The following IGSF21 variants were observed in gnomAD, a reference collection of about 807,000 sequenced individuals.
IGSF21 encodes the protein immunoglobulin superfamily member 21.
A neutral mutation model predicts 46.8 loss-of-function variants in IGSF21; 28 were observed. That is an observed-to-expected ratio of 0.60 (90% CI 0.44 to 0.82). The LOEUF (loss-of-function observed/expected upper bound fraction) is 0.82. Among genes scored for constraint, IGSF21 ranks in the 40% least tolerant of loss-of-function variants. IGSF21 has a pLI of 0.00. For missense variants in IGSF21, 624 were observed against 665.5 expected (o/e 0.94, Z 0.69); for synonymous variants, 284 against 273.6 (o/e 1.04, Z -0.38).
chr1:18,126,383 C>T (rs2086274679), intron 1 of IGSF21, among the ~76,000 whole-genome samples: 1 of 152,182 alleles, frequency 6.6e-6, no homozygotes, highest in Admixed American at 6.5e-5. Flanking sequence ...TGGTTCCACC[C>T]TCCTTTCCTC....
chr1:18,188,957 G>A (rs1034279744), intron 1 of IGSF21, among the ~76,000 whole-genome samples: 1 of 152,212 alleles, frequency 6.6e-6, no homozygotes, highest in Non-Finnish European at 1.5e-5. Context: ...TGCTGCTGCA[G>A]GGGTGAGGAG....
chr1:18,239,900 G>A (rs1210730229), intron 2 of IGSF21, among the ~76,000 whole-genome samples: 2 of 152,102 alleles, frequency 1.3e-5, no homozygotes, highest in Non-Finnish European at 2.9e-5. Flanking sequence ...TCAACACACT[G>A]GACTCATGTG....
chr1:18,128,993 G>T (rs2086296250), intron 1 of IGSF21, among the ~76,000 whole-genome samples: 2 of 152,186 alleles, frequency 1.3e-5, no homozygotes, highest in Admixed American at 1.3e-4. Context: ...GGCAGGCATT[G>T]GGAGGCAGAA....
At chr1:18,238,089 T>A (rs965087937) in intron 2 of IGSF21, among the ~76,000 whole-genome samples, 6 of 152,124 alleles carry the variant, frequency 3.9e-5, no homozygotes, top group African/African-American at 1.4e-4. Context: ...CTCAAAGGAC[T>A]CTGTGATGCC....
At chr1:18,194,896 G>A (rs958542767) in intron 1 of IGSF21, among the ~76,000 whole-genome samples, 2 of 152,210 alleles carry the variant, frequency 1.3e-5, no homozygotes, top group African/African-American at 4.8e-5. Flanking sequence ...ACATGGCCGA[G>A]GAGGCCTCAC....
At chr1:18,262,337 C>A (rs1445888854) in intron 2 of IGSF21, among the ~76,000 whole-genome samples, 1 of 152,170 alleles carries the variant, frequency 6.6e-6, no homozygotes, top group East Asian at 1.9e-4. Flanking sequence ...TGGATGGCAG[C>A]AAGTGGACAC....
chr1:18,295,292 C>T (rs932550812), intron 3 of IGSF21, among the ~76,000 whole-genome samples: 1 of 152,176 alleles, frequency 6.6e-6, no homozygotes, highest in African/African-American at 2.4e-5. Context: ...CCAGAACTCC[C>T]AGGTTGGAAT....
chr1:18,127,629 A>C (rs1293494729), intron 1 of IGSF21, among the ~76,000 whole-genome samples: 3 of 152,130 alleles, frequency 2.0e-5, no homozygotes, highest in Admixed American at 2.0e-4. Flanking sequence ...TTGGCTGGGC[A>C]CTGTGGCTCT....
intron 4 of IGSF21, among the ~76,000 whole-genome samples, chr1:18,354,783 T>A (rs1187370358): frequency 6.6e-6 from 1 of 152,214 alleles, no homozygotes; most frequent in East Asian, 1.9e-4. Context: ...GAAATTCCCC[T>A]ATACATTGTT....
intron 3 of IGSF21, among the ~76,000 whole-genome samples, chr1:18,303,312 G>T (rs1246540955): frequency 6.6e-6 from 1 of 151,824 alleles, no homozygotes; most frequent in Non-Finnish European, 1.5e-5. Context: ...TATTTAGGGG[G>T]CTCAGGTGCA....
intron 1 of IGSF21, chr1:18,113,375 G>C (rs1388300713): frequency 6.6e-6 from 1 of 152,148 alleles, no homozygotes; most frequent in Non-Finnish European, 1.5e-5. Context: ...AATAAAGGTA[G>C]TGTGTATGGG....
chr1:18,359,485 AAGGAAGGAAGGAAGGAAGGAAGG>A (rs879459268), intron 4 of IGSF21, among the ~76,000 whole-genome samples: 1,824 of 150,438 alleles, frequency 0.012, 56 homozygotes, highest in African/African-American at 0.042. Context: ...GGAAGGAAGG[AAGGAAGGAAGGAAGGAAGGAAGG>A]AAGGAAAAGC....
intron 2 of IGSF21, among the ~76,000 whole-genome samples, chr1:18,242,420 C>G (rs2084740822): frequency 6.6e-6 from 1 of 152,172 alleles, no homozygotes; most frequent in Non-Finnish European, 1.5e-5. Flanking sequence ...GGGATGGCTT[C>G]TGAATTGGAT....
At chr1:18,320,151 A>G (rs1334572799) in intron 3 of IGSF21, among the ~76,000 whole-genome samples, 2 of 152,352 alleles carry the variant, frequency 1.3e-5, no homozygotes, top group South Asian at 2.1e-4. Context: ...CCCAGAGCAG[A>G]ACACGCTAAG....
intron 1 of IGSF21, among the ~76,000 whole-genome samples, chr1:18,212,500 T>C (rs2084402802): frequency 6.6e-6 from 1 of 152,182 alleles, no homozygotes; most frequent in African/African-American, 2.4e-5. Context: ...CATGAGCCCA[T>C]TTTTCCGATG....
At chr1:18,172,964 ATAAT>A (rs1051884037) in intron 1 of IGSF21, among the ~76,000 whole-genome samples, 18 of 152,158 alleles carry the variant, frequency 1.2e-4, no homozygotes, top group African/African-American at 4.3e-4. Flanking sequence ...TCTGGGAAAG[ATAAT>A]TAATATAAAA....
At chr1:18,348,380 G>A (rs1468835688) in intron 4 of IGSF21, among the ~76,000 whole-genome samples, 1 of 152,178 alleles carries the variant, frequency 6.6e-6, no homozygotes, top group Non-Finnish European at 1.5e-5. Context: ...CTCCCCTCTT[G>A]TTCCAGAGTC....
chr1:18,205,526 G>A (rs2084309255), intron 1 of IGSF21, among the ~76,000 whole-genome samples: 1 of 152,138 alleles, frequency 6.6e-6, no homozygotes, highest in Non-Finnish European at 1.5e-5. Context: ...GATCGAGTGA[G>A]GCCCACGGAG....
At chr1:18,272,211 C>T (rs112012834) in intron 2 of IGSF21, among the ~76,000 whole-genome samples, 30,797 of 151,598 alleles carry the variant, frequency 0.2, 3,255 homozygotes, top group African/African-American at 0.23. Flanking sequence ...TATTCACTAA[C>T]ACTAGAACAG....
Sources: allele counts gnomAD v4.1 joint callset (sites outside exome capture counted in the v4.1 genomes callset), GRCh38; gene constraint gnomAD v4.1.1; transcripts MANE v1.5; gene names NCBI Gene and HGNC (gene_info 2026-07-23, HGNC 2026-07-21).